FAF1: variants seen among roughly 807,000 people sequenced by gnomAD.
The protein encoded by FAF1 is Fas associated factor 1.
A neutral mutation model predicts 92.5 loss-of-function variants in FAF1; 25 were observed. The observed-to-expected ratio is 0.27, with a 90% CI of 0.20 to 0.38. FAF1 has a LOEUF of 0.38. Among genes scored for constraint, FAF1 ranks in the 10% least tolerant of loss-of-function variants. The pLI is 1.00. For synonymous variants in FAF1, 234 were observed against 273.2 expected, an observed-to-expected ratio of 0.86 and a Z score of 1.42; for missense variants, 636 against 793.3, an observed-to-expected ratio of 0.80 and a Z score of 2.38.
intron 7 of FAF1, among the ~76,000 whole-genome samples, chr1:50,671,534 G>A (rs1487580133): frequency 6.6e-6 from 1 of 152,092 alleles, no homozygotes; most frequent in Middle Eastern, 3.2e-3. Flanking sequence ...AGATGTTACT[G>A]TAATAGATAA....
chr1:50,604,496 C>T (rs575927086), intron 8 of FAF1, among the ~76,000 whole-genome samples: 3 of 152,192 alleles, frequency 2.0e-5, no homozygotes, highest in South Asian at 2.1e-4. Flanking sequence ...CTCCTAATCT[C>T]GGTTTTTCTT....
intron 8 of FAF1, among the ~76,000 whole-genome samples, chr1:50,626,555 TATAAG>T (rs1294700917): frequency 1.3e-5 from 2 of 152,112 alleles, no homozygotes; most frequent in Non-Finnish European, 2.9e-5. Flanking sequence ...GGCAATAAAA[TATAAG>T]ATAACACTAA....
At chr1:50,679,306 TA>T (rs753223288) in intron 7 of FAF1, among the ~76,000 whole-genome samples, 314 of 129,522 alleles carry the variant, frequency 2.4e-3, no homozygotes, top group Middle Eastern at 4.3e-3. Flanking sequence ...TTTACTTTCT[TA>T]AAAAAAAAAA....
At chr1:50,668,822 T>C (rs1191860061) in intron 7 of FAF1, among the ~76,000 whole-genome samples, 1 of 152,168 alleles carries the variant, frequency 6.6e-6, no homozygotes, top group Non-Finnish European at 1.5e-5. Flanking sequence ...TCCCACTTAA[T>C]GTATTATTAA....
chr1:50,635,000 G>A (rs74080033), intron 8 of FAF1, among the ~76,000 whole-genome samples: 4,731 of 152,204 alleles, frequency 0.031, 242 homozygotes, highest in African/African-American at 0.11. Context: ...ACTTGGCTCA[G>A]ATAAGATCAT....
intron 18 of FAF1, among the ~76,000 whole-genome samples, chr1:50,445,991 G>A (rs1235568080): frequency 6.6e-6 from 1 of 151,842 alleles, no homozygotes; most frequent in African/African-American, 2.4e-5. Flanking sequence ...TACTTCCCTG[G>A]GCTTCAGTTC....
chr1:50,688,443 T>G (rs1427282096), intron 7 of FAF1, among the ~76,000 whole-genome samples: 1 of 152,170 alleles, frequency 6.6e-6, no homozygotes. Context: ...AACAACCCAA[T>G]GGTCTATCAG....
intron 15 of FAF1, among the ~76,000 whole-genome samples, chr1:50,507,473 T>G (rs1197731470): frequency 1.3e-5 from 2 of 152,196 alleles, no homozygotes; most frequent in East Asian, 3.8e-4. Flanking sequence ...GTACAGTGGC[T>G]CATGCCTGTA....
At chr1:50,630,720 A>C (rs1432143790) in intron 8 of FAF1, among the ~76,000 whole-genome samples, 2 of 152,062 alleles carry the variant, frequency 1.3e-5, no homozygotes, top group Non-Finnish European at 2.9e-5. Context: ...AAAGTGTATC[A>C]TATAATAATA....
intron 1 of FAF1, among the ~76,000 whole-genome samples, chr1:50,860,190 T>C (rs531128497): frequency 6.6e-6 from 1 of 151,790 alleles, no homozygotes; most frequent in South Asian, 2.1e-4. Flanking sequence ...TGGACATCAA[T>C]CTTGGCAAAG....
At chr1:50,875,047 C>T (rs368994794) in intron 1 of FAF1, among the ~76,000 whole-genome samples, 5 of 151,656 alleles carry the variant, frequency 3.3e-5, no homozygotes, top group African/African-American at 9.7e-5. Flanking sequence ...GAAAGTTATA[C>T]CACCATGTTT....
chr1:50,680,735 G>A (rs1656384093), intron 7 of FAF1, among the ~76,000 whole-genome samples: 1 of 151,752 alleles, frequency 6.6e-6, no homozygotes, highest in South Asian at 2.1e-4. Context: ...GAACTTCTGA[G>A]TCAAAAGTGA....
intron 1 of FAF1, among the ~76,000 whole-genome samples, chr1:50,905,587 G>C (rs1245901842): frequency 6.6e-6 from 1 of 152,194 alleles, no homozygotes. Context: ...GTAACTGTGA[G>C]ATGGTATCTG....
intron 2 of FAF1, among the ~76,000 whole-genome samples, chr1:50,848,768 A>G (rs1306529997): frequency 6.6e-6 from 1 of 152,224 alleles, no homozygotes; most frequent in African/African-American, 2.4e-5. Flanking sequence ...AACATGCTCC[A>G]AAATACCTGA....
rs535685401 is a variant in FAF1, at chr1:50,753,169, C to T, written c.368-8394G>A. On this transcript the variant is annotated intron_variant, in intron 4 of 18. Coordinates refer to ENST00000396153, the MANE Select transcript of FAF1 (RefSeq NM_007051.3). Reference sequence around the variant, plus strand: ...GGTTTCCATGTGCCCCTTGGTAATTCCACCATACCATCCCCAACCTCTTCC... The same window carrying T: ...GGTTTCCATGTGCCCCTTGGTAATTTCACCATACCATCCCCAACCTCTTCC... 9.2e-5 allele frequency among the ~76,000 whole-genome samples: 14 copies of T among 152,280 alleles called. No individual in the cohort carries two copies. The South Asian group carries it at 2.9e-3, about 32-fold the overall frequency.
chr1:50,445,114 G>C (rs1302404132), intron 18 of FAF1, among the ~76,000 whole-genome samples: 1 of 152,144 alleles, frequency 6.6e-6, no homozygotes, highest in African/African-American at 2.4e-5. Flanking sequence ...AGTTTTTGGG[G>C]AACAGGTGGT....
chr1:50,707,503 A>T (rs1443910063), intron 6 of FAF1, among the ~76,000 whole-genome samples: 1 of 151,972 alleles, frequency 6.6e-6, no homozygotes, highest in Non-Finnish European at 1.5e-5. Context: ...GTTCGAGACC[A>T]CCCCGGGTAA....
At chr1:50,883,750 A>C (rs370402004) in intron 1 of FAF1, among the ~76,000 whole-genome samples, 1 of 152,220 alleles carries the variant, frequency 6.6e-6, no homozygotes, top group East Asian at 1.9e-4. Context: ...TTTTCAGCAT[A>C]ACTAGGAAAT....
chr1:50,705,704 A>G, intron 7 of FAF1, 82 bp downstream of exon 7: 1 of 711,286 alleles, frequency 1.4e-6, no homozygotes, highest in South Asian at 1.9e-5. Flanking sequence ...ATTTCCAACC[A>G]GAACAGATAA....
Sources: allele counts gnomAD v4.1 joint callset (sites outside exome capture counted in the v4.1 genomes callset), GRCh38; gene constraint gnomAD v4.1.1; transcripts MANE v1.5; gene names NCBI Gene and HGNC (gene_info 2026-07-23, HGNC 2026-07-21).